The following ASIC2 variants were observed in gnomAD, a reference collection of about 807,000 sequenced individuals.
ASIC2 encodes the protein acid-sensing ion channel 2.
ASIC2 carries 25 observed loss-of-function variants against 57.3 expected under a neutral mutation model. The ratio of observed to expected loss-of-function variants is 0.44; its 90% CI spans 0.32 to 0.61. ASIC2 has a LOEUF of 0.61. ASIC2 is among the 20% of genes least tolerant of loss of function. The pLI is 0.06. For missense variants in ASIC2, 641 were observed against 738.1 expected (o/e 0.87, Z 1.52); for synonymous variants, 319 against 307.5 (o/e 1.04, Z -0.39).
intron 1 of ASIC2, among the ~76,000 whole-genome samples, chr17:33,320,186 A>T (rs1906814847): frequency 6.6e-6 from 1 of 152,224 alleles, no homozygotes; most frequent in Admixed American, 6.5e-5. Flanking sequence ...AACATCTTCC[A>T]AACAGACATT....
intron 1 of ASIC2, among the ~76,000 whole-genome samples, chr17:33,653,647 T>C (rs1015999418): frequency 3.9e-5 from 6 of 152,166 alleles, no homozygotes; most frequent in Admixed American, 1.3e-4. Flanking sequence ...GTTTCTAAAG[T>C]TCCAGTTTCC....
At chr17:33,801,001 G>A (rs1272141611) in intron 1 of ASIC2, among the ~76,000 whole-genome samples, 1 of 152,174 alleles carries the variant, frequency 6.6e-6, no homozygotes, top group Non-Finnish European at 1.5e-5. Flanking sequence ...TTCATGCACA[G>A]GAAGAACAAG....
intron 1 of ASIC2, among the ~76,000 whole-genome samples, chr17:33,709,972 G>A (rs1908976748): frequency 6.6e-6 from 1 of 151,946 alleles, no homozygotes; most frequent in Admixed American, 6.5e-5. Flanking sequence ...CTTTCTTTTT[G>A]CATTGACCTT....
At chr17:34,037,793 G>A (rs900348056) in intron 1 of ASIC2, 1 of 1,614,174 alleles carries the variant, frequency 6.2e-7, no homozygotes. Flanking sequence ...TCGAATCAAC[G>A]CCTTTGCTTC....
In ASIC2 at chr17:33,457,170, A is replaced by G. The variant is rs189080881; in HGVS notation, c.556-345103T>C. On this transcript the variant is annotated intron_variant, in intron 1 of 9. Coordinates refer to the ASIC2 transcript ENST00000359872. ...GTGCCTGGCATGAAGTAAGAACTTA[A>G]TAAATGTTAGCTATTTTTAGGTGTT... Among the ~76,000 whole-genome samples, 21 of 152,314 alleles carry G rather than the reference A, an allele frequency of 1.4e-4. No individual in the cohort carries two copies. The East Asian group carries it at 3.3e-3, about 24-fold the overall frequency.
At chr17:33,641,087 A>G (rs1246591624) in intron 1 of ASIC2, among the ~76,000 whole-genome samples, 3 of 152,034 alleles carry the variant, frequency 2.0e-5, no homozygotes, top group Non-Finnish European at 4.4e-5. Context: ...TGGGCTGCCT[A>G]TTTCTGCTAC....
intron 1 of ASIC2, among the ~76,000 whole-genome samples, chr17:33,138,830 T>G (rs544841532): frequency 6.6e-6 from 1 of 152,192 alleles, no homozygotes; most frequent in African/African-American, 2.4e-5. Context: ...ATTGACATTT[T>G]AAAAAAATGC....
intron 1 of ASIC2, among the ~76,000 whole-genome samples, chr17:33,814,966 C>A (rs1912534982): frequency 6.6e-6 from 1 of 152,096 alleles, no homozygotes; most frequent in African/African-American, 2.4e-5. Context: ...GCATATGTGT[C>A]TGTGAGTCTC....
intron 1 of ASIC2, among the ~76,000 whole-genome samples, chr17:33,682,255 C>T (rs192088602): frequency 4.6e-5 from 7 of 151,020 alleles, no homozygotes; most frequent in East Asian, 3.9e-4. Flanking sequence ...TTAGTAGAGA[C>T]GGGGTTTCAC....
chr17:33,814,684 T>G (rs1912526065), intron 1 of ASIC2, among the ~76,000 whole-genome samples: 2 of 152,246 alleles, frequency 1.3e-5, no homozygotes, highest in Non-Finnish European at 2.9e-5. Flanking sequence ...TTTATTAGCC[T>G]GTCTGTTGGG....
chr17:33,292,255 T>TCCGGTGGCGCGGCATGCCCGC lies in ASIC2; in HGVS notation c.-161_-141dup, dbSNP rs2031482780. ...AGGGAAGCGTGCGCCCGAAAGGAGC[T>TCCGGTGGCGCGGCATGCCCGC]CCGGTGGCGCGGCATGCCCGCCCGG... On this transcript the variant is annotated 5_prime_UTR_variant, in exon 1 of 10. It adds an upstream start codon to the 5' untranslated region. Coordinates refer to ENST00000225823, the MANE Select transcript of ASIC2 (RefSeq NM_183377.2). The TCCGGTGGCGCGGCATGCCCGC allele has an allele frequency of 1.0e-6, 1 of 990,876 alleles. No individual in the cohort carries two copies. The highest frequency in any genetic ancestry group is 1.8e-5 in the African/African-American group (1 of 56,676). 61.4% of individuals were successfully genotyped at this position (990,876 alleles called of 1,614,324 possible).
chr17:33,169,563 G>A (rs1292484194), intron 1 of ASIC2, among the ~76,000 whole-genome samples: 1 of 152,170 alleles, frequency 6.6e-6, no homozygotes, highest in Non-Finnish European at 1.5e-5. Context: ...AAATAAAACA[G>A]CTAGTAAACA....
intron 1 of ASIC2, among the ~76,000 whole-genome samples, chr17:34,107,264 G>C (rs991922032): frequency 6.6e-6 from 1 of 152,090 alleles, no homozygotes; most frequent in African/African-American, 2.4e-5. Context: ...CACTTTGGGA[G>C]GCCAAGGCAG....
intron 1 of ASIC2, among the ~76,000 whole-genome samples, chr17:33,967,461 C>T (rs1430382175): frequency 2.6e-5 from 4 of 152,126 alleles, no homozygotes; most frequent in African/African-American, 4.8e-5. Flanking sequence ...TCTTGAACTC[C>T]GAAACTCAAG....
At chr17:34,039,443 A>T (rs1908015259) in intron 1 of ASIC2, 7 of 1,613,528 alleles carry the variant, frequency 4.3e-6, no homozygotes, top group Middle Eastern at 1.7e-4. Flanking sequence ...GGCAGAGCAG[A>T]CTGCTCCTCC....
chr17:34,116,736 G>A (rs538437847), intron 1 of ASIC2, among the ~76,000 whole-genome samples: 1 of 152,280 alleles, frequency 6.6e-6, no homozygotes, highest in African/African-American at 2.4e-5. Flanking sequence ...CTTACCTAAA[G>A]GGTAGCATTT....
At chr17:33,725,845 T>G (rs185662543) in intron 1 of ASIC2, among the ~76,000 whole-genome samples, 255 of 151,778 alleles carry the variant, frequency 1.7e-3, no homozygotes, top group Admixed American at 3.1e-3. Context: ...CAAACCGCTG[T>G]AGCACAACCT....
chr17:33,470,742 A>T (rs1296838606), intron 1 of ASIC2, among the ~76,000 whole-genome samples: 1 of 152,198 alleles, frequency 6.6e-6, no homozygotes, highest in Non-Finnish European at 1.5e-5. Context: ...CAGAAATCAC[A>T]CACACCCAAT....
At chr17:33,829,621 G>C (rs912642479) in intron 1 of ASIC2, among the ~76,000 whole-genome samples, 17 of 149,642 alleles carry the variant, frequency 1.1e-4, no homozygotes, top group African/African-American at 4.2e-4. Context: ...CTGTCATCCA[G>C]GCTGGAGTGC....
Sources: allele counts gnomAD v4.1 joint callset (sites outside exome capture counted in the v4.1 genomes callset), GRCh38; gene constraint gnomAD v4.1.1; transcripts MANE v1.5; gene names NCBI Gene and HGNC (gene_info 2026-07-23, HGNC 2026-07-21).